Variants in ADAMTS9 observed in about 807,000 individuals in gnomAD.
ADAMTS9 encodes A disintegrin and metalloproteinase with thrombospondin motifs 9.
In ADAMTS9, 107 loss-of-function variants were observed where a neutral mutation model predicts 257.1. That is an observed-to-expected ratio of 0.42 (90% confidence interval 0.36 to 0.49). ADAMTS9 has a LOEUF of 0.49. ADAMTS9 is among the 20% of genes least tolerant of loss of function. ADAMTS9 has a pLI of 0.03. For missense variants in ADAMTS9, 2,353 were observed against 2,469.1 expected (o/e 0.95, Z 1.00); for synonymous variants, 982 against 880.9 (o/e 1.11, Z -2.03).
At chr3:64,654,669 G>A in intron 6 of ADAMTS9, 57 bp from the exon 7 acceptor site, 1 of 1,588,582 alleles carries the variant, frequency 6.3e-7, no homozygotes, top group Non-Finnish European at 8.6e-7. Context: ...GTCAATACAA[G>A]TAAATACTTT....
chr3:64,642,767 G>C (rs1186540883), intron 11 of ADAMTS9, among the ~76,000 whole-genome samples: 2 of 152,238 alleles, frequency 1.3e-5, no homozygotes, highest in African/African-American at 4.8e-5. Context: ...AGTGGCCACA[G>C]GAGGGTGACG....
At chr3:64,518,482 C>T (rs928419744) in intron 39 of ADAMTS9, among the ~76,000 whole-genome samples, 1 of 152,158 alleles carries the variant, frequency 6.6e-6, no homozygotes, top group African/African-American at 2.4e-5. Context: ...TTTTACTCAG[C>T]AGAAGAATCA....
At chr3:64,542,189 T>C (rs2083132476) in intron 32 of ADAMTS9, among the ~76,000 whole-genome samples, 1 of 151,318 alleles carries the variant, frequency 6.6e-6, no homozygotes, top group Admixed American at 6.7e-5. Context: ...TACAAACATA[T>C]ATATGTATAA....
chr3:64,584,501 C>A (rs2106758085), intron 28 of ADAMTS9, among the ~76,000 whole-genome samples: 1 of 152,216 alleles, frequency 6.6e-6, no homozygotes, highest in South Asian at 2.1e-4. Flanking sequence ...CAGTGCAAAT[C>A]TCAGATTAAA....
Position 64,613,455 on chromosome 3 carries a change from C to T in ADAMTS9, c.3244G>A (p.Gly1082Ser), listed in dbSNP as rs763661321. 9 of 1,613,878 alleles carry T rather than the reference C, an allele frequency of 5.6e-6. No homozygotes were observed. The East Asian group carries it at 2.0e-4, about 36-fold the overall frequency. Reference protein sequence around the residue: ...HKHRQVWCQFGEDRLNDRMCD... With the variant: ...HKHRQVWCQFSEDRLNDRMCD... ...ATTCTATCATTTAATCGATCTTCAC[C>T]AAACTGACACCAGACCTGGCGGTGC... The change falls in exon 22 of 40, where the codon GGT (glycine) becomes AGT (serine). Residue 1082 changes from glycine to serine, a missense_variant. This residue lies in a region of ADAMTS9 where 1,402 missense variants were observed against 1,441.4 expected (regional missense o/e 0.97). Coordinates refer to ENST00000498707, the MANE Select transcript of ADAMTS9 (RefSeq NM_182920.2).
At chr3:64,593,076 G>C (rs1440862087) in intron 28 of ADAMTS9, among the ~76,000 whole-genome samples, 2 of 152,168 alleles carry the variant, frequency 1.3e-5, no homozygotes, top group African/African-American at 4.8e-5. Context: ...CAACAGACCA[G>C]AGCTCTCTGA....
chr3:64,668,373 T>C (rs530804522), intron 3 of ADAMTS9, among the ~76,000 whole-genome samples: 2 of 152,270 alleles, frequency 1.3e-5, no homozygotes, highest in South Asian at 4.1e-4. Context: ...CCGTATAGGA[T>C]GGTGCATTCT....
intron 30 of ADAMTS9, among the ~76,000 whole-genome samples, chr3:64,558,736 G>A (rs1329857725): frequency 6.6e-6 from 1 of 152,186 alleles, no homozygotes; most frequent in Non-Finnish European, 1.5e-5. Flanking sequence ...ACTATTAAAA[G>A]GGGAAGCAAA....
At chr3:64,533,072 C>A in intron 38 of ADAMTS9, 94 bp downstream of exon 38, 1 of 1,145,320 alleles carries the variant, frequency 8.7e-7, no homozygotes. Flanking sequence ...AAAGCACATT[C>A]GTTTGCTCCT....
chr3:64,530,815 G>C (rs1025925883), intron 38 of ADAMTS9, among the ~76,000 whole-genome samples: 2 of 152,024 alleles, frequency 1.3e-5, no homozygotes, highest in Non-Finnish European at 2.9e-5. Flanking sequence ...TATCACCCAG[G>C]CTGCAGTGCA....
chr3:64,567,951 T>C (rs9832558), intron 29 of ADAMTS9, among the ~76,000 whole-genome samples: 13,744 of 152,226 alleles, frequency 0.09, 2,035 homozygotes, highest in African/African-American at 0.31. Flanking sequence ...TCTAGAACTT[T>C]CGTCAACAGC....
At position 64,533,219 on chromosome 3, in the gene ADAMTS9, C is replaced by G; in HGVS notation, c.5665G>C (p.Ala1889Pro). The G allele has an allele frequency of 6.2e-7, 1 of 1,612,368 alleles. No homozygotes were observed. Among genetic ancestry groups the G allele is most frequent in the Non-Finnish European group, 8.5e-7 (1 of 1,178,974 alleles). The change falls in exon 38 of 40, where the codon GCC (alanine) becomes CCC (proline). Residue 1889 changes from alanine to proline, a missense_variant. Coordinates refer to ENST00000498707, the MANE Select transcript of ADAMTS9 (RefSeq NM_182920.2). The stretch of plus-strand genomic sequence containing the variant: ...TAATTCCCTTGTGATATCCATCTGG[C>G]AGATTCAGTTAAAGACAAGCCGGTT... ...YGTGLSLTES[A>P]RWISQGNYAV... is the part of the protein sequence containing the mutation.
At chr3:64,630,318 C>G (rs1384069250) in intron 16 of ADAMTS9, among the ~76,000 whole-genome samples, 1 of 152,206 alleles carries the variant, frequency 6.6e-6, no homozygotes, top group East Asian at 1.9e-4. Context: ...AATCTCAGCA[C>G]TTTGGGAGGC....
chr3:64,596,816 T>TA lies in ADAMTS9; in HGVS notation c.4179+13dup, dbSNP rs1248387656. ...CAATTCCTCTGTATTTATAGACGGATAGTTCACTCTCACCTCTCCCCAGTT... is the reference window on the plus strand; with the variant it reads ...CAATTCCTCTGTATTTATAGACGGATAAGTTCACTCTCACCTCTCCCCAGTT... On this transcript the variant is annotated intron_variant, in intron 27 of 39. Coordinates refer to ENST00000498707, the MANE Select transcript of ADAMTS9 (RefSeq NM_182920.2). 3 of 1,613,546 alleles carry TA rather than the reference T, an allele frequency of 1.9e-6. No homozygotes were observed. Among genetic ancestry groups the TA allele is most frequent in the Non-Finnish European group, 2.5e-6 (3 of 1,179,816 alleles).
At chr3:64,636,747 A>T (rs572681407) in intron 12 of ADAMTS9, among the ~76,000 whole-genome samples, 48 of 152,238 alleles carry the variant, frequency 3.2e-4, no homozygotes, top group Non-Finnish European at 5.9e-4. Flanking sequence ...CCATAAATAA[A>T]GATTTATTGG....
intron 32 of ADAMTS9, among the ~76,000 whole-genome samples, chr3:64,545,469 G>A (rs1349768870): frequency 1.3e-5 from 2 of 152,148 alleles, no homozygotes; most frequent in Non-Finnish European, 2.9e-5. Flanking sequence ...GGACATGGAT[G>A]AAACTGGGAA....
At chr3:64,633,657 C>T (rs1464373747) in intron 13 of ADAMTS9, 41 bp downstream of exon 13, 1 of 1,613,762 alleles carries the variant, frequency 6.2e-7, no homozygotes, top group Admixed American at 1.7e-5. Context: ...GGCCTCAGTG[C>T]CGGCCGGCCA....
intron 3 of ADAMTS9, among the ~76,000 whole-genome samples, chr3:64,669,188 T>G (rs575465593): frequency 6.6e-6 from 1 of 152,332 alleles, no homozygotes; most frequent in South Asian, 2.1e-4. Flanking sequence ...CACTCAACTC[T>G]CGATATGACA....
At chr3:64,527,567 T>TGGTATACTGTTTATAATGATTATA (rs2082925832) in intron 38 of ADAMTS9, among the ~76,000 whole-genome samples, 1 of 152,122 alleles carries the variant, frequency 6.6e-6, no homozygotes, top group East Asian at 1.9e-4. Flanking sequence ...ATAATGATTA[T>TGGTATACTGTTTATAATGATTATA]GGGGCTAAAA....
Sources: gnomAD v4.1 joint callset for allele counts (sites outside exome capture counted in the v4.1 genomes callset) on GRCh38, gnomAD v4.1.1 for gene constraint, gnomAD v4.1.1 regional missense constraint, MANE v1.5 for transcripts, NCBI Gene and HGNC (gene_info 2026-07-23, HGNC 2026-07-21) for gene names.